Variants in BLTP3B observed in about 807,000 individuals in gnomAD.
BLTP3B encodes bridge-like lipid transfer protein family member 3B.
chr12:100,124,106 AT>A, the BLTP3B span, among the ~76,000 whole-genome samples: 1,382 of 144,128 alleles, frequency 9.6e-3, 10 homozygotes, highest in African/African-American at 0.022. Flanking sequence ...CTCTACGAGA[AT>A]TTTTTTTTTT....
At chr12:100,053,188 T>TGA in the BLTP3B span, among the ~76,000 whole-genome samples, 1 of 151,880 alleles carries the variant, frequency 6.6e-6, no homozygotes, top group African/African-American at 2.4e-5. Flanking sequence ...GTGGATTATC[T>TGA]GAGGTCAGGA....
chr12:100,077,657 C>T, the BLTP3B span, among the ~76,000 whole-genome samples: 2 of 152,216 alleles, frequency 1.3e-5, no homozygotes, highest in African/African-American at 2.4e-5. Context: ...AGGGGAATCA[C>T]TGAGTTAAAT....
chr12:100,138,384 C>T, the BLTP3B span, among the ~76,000 whole-genome samples: 15 of 152,288 alleles, frequency 9.8e-5, 1 homozygote, highest in East Asian at 2.1e-3. Context: ...CTCAATCATA[C>T]GACACACACC....
chr12:100,056,775 T>C, the BLTP3B span, among the ~76,000 whole-genome samples: 2 of 151,670 alleles, frequency 1.3e-5, no homozygotes, highest in Non-Finnish European at 2.9e-5. Context: ...AGGCAGAGGT[T>C]TCAGTAAGCT....
the BLTP3B span, chr12:100,098,314 T>A: frequency 6.5e-7 from 1 of 1,535,342 alleles, no homozygotes; most frequent in Middle Eastern, 1.7e-4. Flanking sequence ...TACTTGTCAC[T>A]AAATGAAACA....
At chr12:100,074,599 A>AT in the BLTP3B span, among the ~76,000 whole-genome samples, 1 of 151,992 alleles carries the variant, frequency 6.6e-6, no homozygotes, top group Admixed American at 6.6e-5. Context: ...GTTTCAAAAA[A>AT]AAAAAAAAAA....
At chr12:100,037,300 A>C in the BLTP3B span, 2 of 1,012,214 alleles carry the variant, frequency 2.0e-6, no homozygotes, top group Non-Finnish European at 2.4e-6. Flanking sequence ...TTTTCCTTTT[A>C]CATTTTAAAA....
chr12:100,084,416 AC>A, the BLTP3B span: 1 of 1,325,764 alleles, frequency 7.5e-7, no homozygotes, highest in East Asian at 2.3e-5. Flanking sequence ...ACACACACAC[AC>A]ACACACACAG....
At chr12:100,112,154 G>A in the BLTP3B span, among the ~76,000 whole-genome samples, 10 of 152,160 alleles carry the variant, frequency 6.6e-5, no homozygotes. Context: ...GGCCTGGCAA[G>A]AGCAAAAGTG....
the BLTP3B span, among the ~76,000 whole-genome samples, chr12:100,081,820 G>T: frequency 6.6e-6 from 1 of 152,138 alleles, no homozygotes; most frequent in Admixed American, 6.5e-5. Context: ...GCACTGATGG[G>T]CATCTAGGTT....
At chr12:100,095,554 T>C in the BLTP3B span, 1 of 1,179,928 alleles carries the variant, frequency 8.5e-7, no homozygotes, top group South Asian at 1.5e-5. Flanking sequence ...AAGAAGATTC[T>C]TGTACTCAAA....
the BLTP3B span, chr12:100,092,717 T>C: frequency 6.2e-6 from 1 of 161,214 alleles, no homozygotes; most frequent in Non-Finnish European, 1.3e-5. Flanking sequence ...TATAGTAATA[T>C]CAACCTTCAA....
At chr12:100,084,607 T>G in the BLTP3B span, 12 of 1,614,100 alleles carry the variant, frequency 7.4e-6, no homozygotes, top group Non-Finnish European at 1.0e-5. Flanking sequence ...GGCCCATCCA[T>G]TTTTTGTTTT....
the BLTP3B span, among the ~76,000 whole-genome samples, chr12:100,124,555 C>T: frequency 6.6e-6 from 1 of 151,066 alleles, no homozygotes; most frequent in Non-Finnish European, 1.5e-5. Context: ...CCAGCCTGAC[C>T]AACATTGTGA....
chr12:100,048,208 G>T, the BLTP3B span: 1 of 1,564,360 alleles, frequency 6.4e-7, no homozygotes, highest in South Asian at 1.2e-5. Flanking sequence ...TAAGGAAAAT[G>T]AACATACAAA....
the BLTP3B span, among the ~76,000 whole-genome samples, chr12:100,073,623 C>T: frequency 6.6e-6 from 1 of 151,768 alleles, no homozygotes; most frequent in African/African-American, 2.4e-5. Flanking sequence ...TCATACCTTA[C>T]CACAATAAAA....
At chr12:100,054,711 C>T in the BLTP3B span, among the ~76,000 whole-genome samples, 1 of 152,054 alleles carries the variant, frequency 6.6e-6, no homozygotes, top group African/African-American at 2.4e-5. Flanking sequence ...TGAATTATAA[C>T]AGAGTTAGAC....
At chr12:100,047,514 A>G in the BLTP3B span, 1 of 1,562,392 alleles carries the variant, frequency 6.4e-7, no homozygotes. Context: ...ATAAACAAAT[A>G]GTTTTTCATA....
At chr12:100,140,815 A>T in the BLTP3B span, among the ~76,000 whole-genome samples, 7 of 147,466 alleles carry the variant, frequency 4.7e-5, no homozygotes, top group Non-Finnish European at 8.9e-5. Flanking sequence ...TTTCTATCTC[A>T]TGCAGTAAGC....
Sources: gnomAD v4.1 joint callset for allele counts (sites outside exome capture counted in the v4.1 genomes callset) on GRCh38, gnomAD v4.1.1 for gene constraint, MANE v1.5 for transcripts, NCBI Gene and HGNC (gene_info 2026-07-23, HGNC 2026-07-21) for gene names.